Variants in SLC45A1 observed in about 807,000 individuals in gnomAD.
The protein encoded by SLC45A1 is solute carrier family 45 member 1.
SLC45A1 carries 28 observed loss-of-function variants against 57.6 expected under a neutral mutation model. That is an observed-to-expected ratio of 0.49 (90% CI 0.36 to 0.67). The LOEUF is 0.67. Ranked by LOEUF, SLC45A1 falls within the 30% of genes least tolerant of loss-of-function variation. SLC45A1 has a pLI of 0.00. For missense variants in SLC45A1, 814 were observed against 1,041.5 expected (o/e 0.78, Z 3.01); for synonymous variants, 459 against 471.5 (o/e 0.97, Z 0.34).
rs547534000 is a variant in SLC45A1 at position 8,325,432 on chromosome 1, A to T, written c.490+42A>T. The T allele has an allele frequency of 2.9e-6, 4 of 1,403,168 alleles. No individual in the cohort carries two copies. The African/African-American group carries it at 5.8e-5, about 20-fold the overall frequency. The allele number at this position is 1,403,168 out of a possible 1,614,324, so 86.9% of individuals were successfully genotyped here. ...TGGAAATAAAATGGAGAGGAAAAAA[A>T]AAAGGCCCCAACTGCTTCCTTTTAG... On this transcript the variant is annotated intron_variant, in intron 3 of 8. Coordinates refer to ENST00000471889, the MANE Select transcript of SLC45A1 (RefSeq NM_001080397.3). The surrounding 1 kb of genome is among the most constrained non-coding windows in gnomAD (Gnocchi z 6.3).
At chr1:8,332,511 A>ATT (rs746223378) in intron 5 of SLC45A1, among the ~76,000 whole-genome samples, 10 of 138,028 alleles carry the variant, frequency 7.2e-5, no homozygotes, top group African/African-American at 1.3e-4. Context: ...TCACGGGCTG[A>ATT]TTTTTTTTTT....
chr1:8,321,393 T>TAAAACCCATCTCTTAGCA (rs59849259), intron 1 of SLC45A1, among the ~76,000 whole-genome samples: 1 of 151,080 alleles, frequency 6.6e-6, no homozygotes, highest in Non-Finnish European at 1.5e-5. Flanking sequence ...CACCTTGGAA[T>TAAAACCCATCTCTTAGCA]AAAACCCATC....
intron 4 of SLC45A1, among the ~76,000 whole-genome samples, chr1:8,329,695 G>A (rs767418079): frequency 3.3e-5 from 5 of 152,192 alleles, no homozygotes; most frequent in Admixed American, 6.5e-5. Context: ...CTCAGAGATC[G>A]GAGAGCTGCC....
chr1:8,338,685 G>A (rs1472174017), intron 7 of SLC45A1, among the ~76,000 whole-genome samples: 6 of 152,272 alleles, frequency 3.9e-5, no homozygotes, highest in East Asian at 1.9e-4. Flanking sequence ...CGTGCCAAGC[G>A]CCAATCAAAC....
chr1:8,322,962 G>A (rs1162716784), intron 1 of SLC45A1, among the ~76,000 whole-genome samples: 2 of 151,992 alleles, frequency 1.3e-5, no homozygotes, highest in East Asian at 1.9e-4. Context: ...AGTGGACATC[G>A]GCTAAAACAC....
At chr1:8,331,600 C>T (rs1640413310) in intron 5 of SLC45A1, among the ~76,000 whole-genome samples, 1 of 152,092 alleles carries the variant, frequency 6.6e-6, no homozygotes, top group Non-Finnish European at 1.5e-5. Flanking sequence ...ATGATTGCAC[C>T]ACTGCACTCC....
intron 1 of SLC45A1, among the ~76,000 whole-genome samples, chr1:8,321,358 C>G (rs996582867): frequency 1.3e-5 from 2 of 152,184 alleles, no homozygotes; most frequent in Non-Finnish European, 2.9e-5. Context: ...ACAGGAGACT[C>G]TGTCTCTGCT....
intron 8 of SLC45A1, among the ~76,000 whole-genome samples, chr1:8,341,940 G>A (rs1640832324): frequency 6.6e-6 from 1 of 151,340 alleles, no homozygotes; most frequent in South Asian, 2.1e-4. Flanking sequence ...GGGTGCGGTG[G>A]CTCACGCCTG....
Position 8,325,466 on chromosome 1 carries a change from T to TA in SLC45A1, c.490+82dup. ...CAACTGCTTCCTTTTAGGAAAATTTTAAAAAATGTTGACCAAAGCAGTTAC... is the reference window on the plus strand; with the variant it reads ...CAACTGCTTCCTTTTAGGAAAATTTTAAAAAAATGTTGACCAAAGCAGTTAC... On this transcript the variant is annotated intron_variant, in intron 3 of 8. Transcript: ENST00000471889. This position sits in a 1 kb window ranked among gnomAD's most constrained non-coding sequence, Gnocchi z 6.3. 1 of 1,100,562 alleles carries TA rather than the reference T, an allele frequency of 9.1e-7. No individual in the cohort carries two copies. Among genetic ancestry groups the TA allele is most frequent in the Non-Finnish European group, 1.4e-6 (1 of 740,496 alleles). The allele number at this position is 1,100,562 out of a possible 1,614,324, so 68.2% of individuals were successfully genotyped here. A position where few individuals can be genotyped will look rare whatever the true frequency, so the allele number is the denominator to read the frequency against.
chr1:8,341,363 C>T (rs776046457), intron 8 of SLC45A1, among the ~76,000 whole-genome samples: 24 of 147,702 alleles, frequency 1.6e-4, no homozygotes, highest in Non-Finnish European at 2.7e-4. Flanking sequence ...GGTGAAACCC[C>T]ATCTCTACTA....
At chr1:8,337,718 G>A in intron 6 of SLC45A1, 98 bp from the exon 7 acceptor site, 1 of 1,187,182 alleles carries the variant, frequency 8.4e-7, no homozygotes, top group Non-Finnish European at 1.2e-6. Flanking sequence ...ACGCCCAGCT[G>A]CTCATTACTT....
intron 6 of SLC45A1, 47 bp from the exon 7 acceptor site, chr1:8,337,769 G>A: frequency 1.3e-6 from 2 of 1,564,630 alleles, no homozygotes; most frequent in East Asian, 2.2e-5. Context: ...AAAGGGCAGA[G>A]TGTTGGCCTT....
At chr1:8,321,788 G>A (rs569163361) in intron 1 of SLC45A1, among the ~76,000 whole-genome samples, 49 of 152,020 alleles carry the variant, frequency 3.2e-4, no homozygotes, top group African/African-American at 1.2e-3. Flanking sequence ...GAATGGAAGA[G>A]AGGATGTGTG....
intron 4 of SLC45A1, among the ~76,000 whole-genome samples, chr1:8,329,615 G>A (rs1355574981): frequency 6.6e-6 from 1 of 152,224 alleles, no homozygotes; most frequent in Non-Finnish European, 1.5e-5. Context: ...CCGGTGCCCC[G>A]AGGCGTGGAA....
intron 5 of SLC45A1, among the ~76,000 whole-genome samples, chr1:8,334,246 G>C (rs1640526760): frequency 2.0e-5 from 3 of 152,232 alleles, no homozygotes; most frequent in African/African-American, 4.8e-5. Context: ...AACGCATCCA[G>C]GCTCAACGGA....
chr1:8,342,161 C>T (rs111915429), intron 8 of SLC45A1, among the ~76,000 whole-genome samples: 18,911 of 151,320 alleles, frequency 0.12, 1,519 homozygotes, highest in South Asian at 0.27. Context: ...GAGCTGAGAT[C>T]GTGCCACTGC....
chr1:8,322,176 T>C (rs1640040630), intron 1 of SLC45A1, among the ~76,000 whole-genome samples: 1 of 144,706 alleles, frequency 6.9e-6, no homozygotes, highest in African/African-American at 2.6e-5. Flanking sequence ...GATGGATGGG[T>C]GGGTGGATGG....
At chr1:8,331,060 T>A in intron 5 of SLC45A1, 124 bp downstream of exon 5, 1 of 1,282,246 alleles carries the variant, frequency 7.8e-7, no homozygotes, top group Non-Finnish European at 1.1e-6. Context: ...GGGGGTGTTA[T>A]CAAGTGCTTT....
chr1:8,332,226 C>T (rs1358296060), intron 5 of SLC45A1, among the ~76,000 whole-genome samples: 2 of 152,304 alleles, frequency 1.3e-5, no homozygotes, highest in Non-Finnish European at 2.9e-5. Context: ...GGCTCCAGCC[C>T]GTTTTGGCAG....
Sources: gnomAD v4.1 joint callset for allele counts (sites outside exome capture counted in the v4.1 genomes callset) on GRCh38, gnomAD v4.1.1 for gene constraint, Gnocchi (gnomAD v3.1) non-coding constraint, MANE v1.5 for transcripts, NCBI Gene and HGNC (gene_info 2026-07-23, HGNC 2026-07-21) for gene names.